RBFOX1: variants seen among roughly 807,000 people sequenced by gnomAD.
RBFOX1 encodes the protein RNA binding protein fox-1 homolog 1.
In RBFOX1, 8 loss-of-function variants were observed where a neutral mutation model predicts 57.7. The observed-to-expected ratio is 0.14, with a 90% confidence interval of 0.08 to 0.25. RBFOX1 has a LOEUF of 0.25. Among genes scored for constraint, RBFOX1 ranks in the 10% least tolerant of loss-of-function variants. The probability of loss-of-function intolerance (pLI) is 1.00; values close to 1 mark genes in which losing one functional copy is unlikely to be tolerated. For missense variants in RBFOX1, 611 were observed against 548.5 expected (o/e 1.11, Z -1.14); for synonymous variants, 326 against 222.4 (o/e 1.47, Z -4.15).
rs574001984 is a variant in RBFOX1 at position 5,473,341 on chromosome 16, C to G, written c.258+6087C>G. Among the ~76,000 whole-genome samples the G allele has an allele frequency of 3.9e-5, 6 of 152,286 alleles. No individual in the cohort carries two copies. In the East Asian group the frequency reaches 7.7e-4, roughly 20 times the overall value. On this transcript the variant is annotated intron_variant, in intron 2 of 2. Coordinates refer to the RBFOX1 transcript ENST00000585867. ...CTGACACCTCATTACTCCTGTTACA[C>G]TGTGATGTCTCATTGCTTATCATCA...
chr16:6,499,833 C>G (rs1460816987), intron 2 of RBFOX1, among the ~76,000 whole-genome samples: 1 of 152,102 alleles, frequency 6.6e-6, no homozygotes, highest in Admixed American at 6.6e-5. Flanking sequence ...TCGATACCTC[C>G]TCTTGTTGCT....
chr16:5,321,828 G>A (rs1213018118), intron 1 of RBFOX1, among the ~76,000 whole-genome samples: 1 of 152,116 alleles, frequency 6.6e-6, no homozygotes, highest in African/African-American at 2.4e-5. Flanking sequence ...CAGAGTCTGG[G>A]GAGAAGATTC....
intron 4 of RBFOX1, among the ~76,000 whole-genome samples, chr16:7,380,647 C>A (rs542485605): frequency 2.0e-5 from 3 of 152,252 alleles, no homozygotes; most frequent in Non-Finnish European, 4.4e-5. Flanking sequence ...GCTCACACCG[C>A]TGATCATCCA....
chr16:7,277,459 C>T (rs996901817), intron 4 of RBFOX1, among the ~76,000 whole-genome samples: 1 of 152,118 alleles, frequency 6.6e-6, no homozygotes, highest in African/African-American at 2.4e-5. Flanking sequence ...TTCTAATAAT[C>T]AAAGCGAATA....
intron 3 of RBFOX1, among the ~76,000 whole-genome samples, chr16:6,804,174 A>G (rs2086161359): frequency 6.6e-6 from 1 of 151,904 alleles, no homozygotes; most frequent in African/African-American, 2.4e-5. Context: ...TGCCCAGCTA[A>G]CTTGTTTGTA....
At chr16:7,075,157 T>G (rs1391660477) in intron 4 of RBFOX1, among the ~76,000 whole-genome samples, 1 of 152,140 alleles carries the variant, frequency 6.6e-6, no homozygotes, top group Non-Finnish European at 1.5e-5. Flanking sequence ...TACAGACAAG[T>G]TGGTTTTGTT....
intron 4 of RBFOX1, among the ~76,000 whole-genome samples, chr16:5,911,470 G>C (rs1344177229): frequency 2.0e-5 from 3 of 152,146 alleles, no homozygotes; most frequent in Admixed American, 6.5e-5. Flanking sequence ...ACAGTATTGA[G>C]TACATGTTTA....
At chr16:6,881,469 G>A (rs756698246) in intron 3 of RBFOX1, among the ~76,000 whole-genome samples, 38 of 152,114 alleles carry the variant, frequency 2.5e-4, no homozygotes, top group Admixed American at 3.3e-4. Flanking sequence ...AGGCCTATCC[G>A]TGGCTTGTAG....
intron 1 of RBFOX1, among the ~76,000 whole-genome samples, chr16:6,111,256 C>G (rs1439148448): frequency 1.3e-5 from 2 of 152,154 alleles, no homozygotes; most frequent in African/African-American, 4.8e-5. Context: ...CAATGTCACC[C>G]CATTGTTGGA....
At chr16:5,619,902 C>G (rs2048153176) in intron 3 of RBFOX1, among the ~76,000 whole-genome samples, 1 of 151,778 alleles carries the variant, frequency 6.6e-6, no homozygotes, top group Admixed American at 6.6e-5. Flanking sequence ...GAAGAATATG[C>G]TGACTTTCTA....
chr16:7,285,912 C>T (rs957568585), intron 4 of RBFOX1, among the ~76,000 whole-genome samples: 1 of 152,152 alleles, frequency 6.6e-6, no homozygotes, highest in East Asian at 1.9e-4. Context: ...AAAGAACATG[C>T]TGGGACATGA....
At chr16:6,341,042 C>T (rs1318431628) in intron 2 of RBFOX1, among the ~76,000 whole-genome samples, 1 of 152,114 alleles carries the variant, frequency 6.6e-6, no homozygotes, top group African/African-American at 2.4e-5. Context: ...TCTTGTAGGG[C>T]ATGTGTAAGC....
chr16:5,685,137 A>T (rs1458544220), intron 3 of RBFOX1, among the ~76,000 whole-genome samples: 2 of 152,220 alleles, frequency 1.3e-5, no homozygotes, highest in Non-Finnish European at 2.9e-5. Context: ...CTTCAGCAAG[A>T]TCAGCAGGAA....
At chr16:5,848,071 G>A (rs916983785) in intron 3 of RBFOX1, among the ~76,000 whole-genome samples, 11 of 152,198 alleles carry the variant, frequency 7.2e-5, no homozygotes, top group East Asian at 5.8e-4. Context: ...ATGTGTGTCC[G>A]GAGCTCTGGC....
intron 4 of RBFOX1, among the ~76,000 whole-genome samples, chr16:7,362,399 G>A (rs183898393): frequency 5.9e-5 from 9 of 151,606 alleles, no homozygotes; most frequent in African/African-American, 1.9e-4. Flanking sequence ...GTGTGTGATT[G>A]TGTGTATATG....
chr16:5,991,692 T>C (rs1459679509), intron 4 of RBFOX1, among the ~76,000 whole-genome samples: 3 of 150,810 alleles, frequency 2.0e-5, no homozygotes, highest in Non-Finnish European at 4.4e-5. Context: ...CTATAACTTC[T>C]GTGGGGAAGT....
intron 3 of RBFOX1, among the ~76,000 whole-genome samples, chr16:5,606,054 G>T (rs990285496): frequency 7.9e-5 from 12 of 152,112 alleles, no homozygotes; most frequent in Non-Finnish European, 1.6e-4. Context: ...GTTAGCAGAG[G>T]TTGCCCGTGG....
chr16:5,322,748 C>G (rs886792927), intron 1 of RBFOX1, among the ~76,000 whole-genome samples: 4 of 152,158 alleles, frequency 2.6e-5, no homozygotes, highest in African/African-American at 9.7e-5. Flanking sequence ...CTTTCTCTGA[C>G]CCACAGTTTA....
intron 1 of RBFOX1, among the ~76,000 whole-genome samples, chr16:5,320,449 A>G (rs1410883809): frequency 6.6e-6 from 1 of 152,182 alleles, no homozygotes; most frequent in African/African-American, 2.4e-5. Flanking sequence ...AGAAAACAGT[A>G]AGTCCAAGAA....
Sources: gnomAD v4.1 joint callset for allele counts (sites outside exome capture counted in the v4.1 genomes callset) on GRCh38, gnomAD v4.1.1 for gene constraint, MANE v1.5 for transcripts, NCBI Gene and HGNC (gene_info 2026-07-23, HGNC 2026-07-21) for gene names.